SPATA17: variants seen among roughly 807,000 people sequenced by gnomAD.
The protein encoded by SPATA17 is spermatogenesis-associated protein 17.
SPATA17 carries 53 observed loss-of-function variants against 62.2 expected under a neutral mutation model. That is an observed-to-expected ratio of 0.85 (90% CI 0.68 to 1.07). The LOEUF (loss-of-function observed/expected upper bound fraction) is 1.07, where lower values mean the gene tolerates loss of function less well. Among genes scored for constraint, SPATA17 ranks in the 50% least tolerant of loss-of-function variants. SPATA17 has a pLI of 0.00. For synonymous variants in SPATA17, 146 were observed against 146.8 expected, an observed-to-expected ratio of 0.99 and a Z score of 0.04; for missense variants, 466 against 425.5, an observed-to-expected ratio of 1.10 and a Z score of -0.84.
At chr1:217,800,336 A>G (rs1322121972) in intron 8 of SPATA17, among the ~76,000 whole-genome samples, 1 of 151,776 alleles carries the variant, frequency 6.6e-6, no homozygotes, top group East Asian at 1.9e-4. Context: ...AGAAGATGCA[A>G]TCAGTCTTCT....
intron 5 of SPATA17, among the ~76,000 whole-genome samples, chr1:217,721,514 T>C (rs1277303402): frequency 6.6e-6 from 1 of 152,190 alleles, no homozygotes; most frequent in Non-Finnish European, 1.5e-5. Flanking sequence ...CTGTGTCATC[T>C]CTTTCTTTCT....
chr1:217,864,568 A>G (rs1675969932), intron 10 of SPATA17, among the ~76,000 whole-genome samples: 1 of 151,902 alleles, frequency 6.6e-6, no homozygotes, highest in African/African-American at 2.4e-5. Context: ...TGCACCCACT[A>G]TTATATTTAA....
intron 8 of SPATA17, among the ~76,000 whole-genome samples, chr1:217,795,931 G>A (rs1020098288): frequency 2.0e-5 from 3 of 151,910 alleles, no homozygotes; most frequent in African/African-American, 4.8e-5. Flanking sequence ...TCTAGTAGCT[G>A]AGACTACACC....
chr1:217,686,726 T>G (rs1173169590), intron 5 of SPATA17, among the ~76,000 whole-genome samples: 1 of 152,220 alleles, frequency 6.6e-6, no homozygotes, highest in African/African-American at 2.4e-5. Context: ...ACTTTTTGTT[T>G]TTTAATTTTT....
chr1:217,723,742 C>T (rs1043011911), intron 5 of SPATA17, among the ~76,000 whole-genome samples: 23 of 152,140 alleles, frequency 1.5e-4, no homozygotes, highest in Non-Finnish European at 4.4e-5. Flanking sequence ...ATAGGGCAGA[C>T]GAGAGACCAA....
intron 4 of SPATA17, among the ~76,000 whole-genome samples, chr1:217,675,231 A>G (rs1234281128): frequency 1.3e-5 from 2 of 152,110 alleles, no homozygotes; most frequent in Non-Finnish European, 2.9e-5. Context: ...GTGTGGGGGG[A>G]AAATTATACT....
chr1:217,737,894 G>T (rs940995029), intron 5 of SPATA17: 1 of 150,582 alleles, frequency 6.6e-6, no homozygotes, highest in Non-Finnish European at 1.5e-5. Context: ...GGTGCGATCC[G>T]GCTCACTGCA....
rs77762804 is a variant in SPATA17 at position 217,838,894 on chromosome 1, A to G, written c.1006-23880A>G. On this transcript the variant is annotated intron_variant, in intron 9 of 10. Coordinates refer to ENST00000366933, the MANE Select transcript of SPATA17 (RefSeq NM_138796.4). Reference sequence around the variant, plus strand: ...GAAATCATTATACAATCATAGAAGTATATGAAATCACTGTTTTGCTGATCT... The same window carrying G: ...GAAATCATTATACAATCATAGAAGTGTATGAAATCACTGTTTTGCTGATCT... Among the ~76,000 whole-genome samples the G allele has an allele frequency of 9.0e-3, 1,375 of 152,264 alleles. 16 individuals carry two copies. Among genetic ancestry groups the G allele is most frequent in the African/African-American group, 0.031 (1,308 of 41,562 alleles).
intron 4 of SPATA17, among the ~76,000 whole-genome samples, chr1:217,682,364 CAA>C (rs528838455): frequency 5.7e-5 from 7 of 122,280 alleles, no homozygotes; most frequent in Admixed American, 8.3e-5. Context: ...TCCTCTCATC[CAA>C]AAAAAAAAAA....
intron 5 of SPATA17, among the ~76,000 whole-genome samples, chr1:217,736,445 T>A (rs1482580700): frequency 3.3e-5 from 5 of 152,198 alleles, no homozygotes; most frequent in Admixed American, 3.3e-4. Flanking sequence ...TAAATTTTAT[T>A]AAGTTATACG....
At chr1:217,702,813 A>C (rs1192761299) in intron 5 of SPATA17, among the ~76,000 whole-genome samples, 1 of 152,062 alleles carries the variant, frequency 6.6e-6, no homozygotes, top group Non-Finnish European at 1.5e-5. Context: ...GTTCTATCGA[A>C]TGATAGTTAT....
chr1:217,754,168 G>A (rs1470634596), intron 6 of SPATA17, among the ~76,000 whole-genome samples: 1 of 152,022 alleles, frequency 6.6e-6, no homozygotes, highest in Non-Finnish European at 1.5e-5. Flanking sequence ...CCAGGAGGTC[G>A]AGGCTGCAGT....
intron 9 of SPATA17, among the ~76,000 whole-genome samples, chr1:217,829,677 GA>G (rs1675087857): frequency 7.9e-6 from 1 of 126,270 alleles, no homozygotes; most frequent in African/African-American, 2.9e-5. Context: ...TCACTTATGT[GA>G]AAAAAAGATA....
chr1:217,734,482 T>G (rs934507153), intron 5 of SPATA17, among the ~76,000 whole-genome samples: 19 of 152,260 alleles, frequency 1.2e-4, no homozygotes, highest in Middle Eastern at 6.8e-3. Flanking sequence ...GTATTACAGG[T>G]GTGTGCCACC....
At chr1:217,808,600 T>A (rs2102990908) in intron 9 of SPATA17, among the ~76,000 whole-genome samples, 1 of 152,286 alleles carries the variant, frequency 6.6e-6, no homozygotes, top group Non-Finnish European at 1.5e-5. Flanking sequence ...ACGCCTGTAA[T>A]CCCAGCACTT....
intron 4 of SPATA17, among the ~76,000 whole-genome samples, chr1:217,682,468 A>G (rs1671109008): frequency 6.6e-6 from 1 of 152,092 alleles, no homozygotes; most frequent in African/African-American, 2.4e-5. Context: ...TAATTTCAAT[A>G]TAACTTTTCT....
intron 8 of SPATA17, among the ~76,000 whole-genome samples, chr1:217,797,954 G>A (rs927805826): frequency 2.0e-5 from 3 of 152,112 alleles, no homozygotes; most frequent in Admixed American, 6.6e-5. Context: ...ACCCCTAGCA[G>A]CCCATCCTAT....
chr1:217,834,603 A>G (rs1256602731), intron 9 of SPATA17, among the ~76,000 whole-genome samples: 1 of 152,168 alleles, frequency 6.6e-6, no homozygotes, highest in African/African-American at 2.4e-5. Context: ...TATAAAGGAA[A>G]AATGTTTTTG....
At chr1:217,852,188 A>T (rs189453679) in intron 9 of SPATA17, among the ~76,000 whole-genome samples, 32 of 152,284 alleles carry the variant, frequency 2.1e-4, no homozygotes, top group African/African-American at 7.5e-4. Context: ...TGCCATCTTT[A>T]AAAAAATTGC....
Sources: gnomAD v4.1 joint callset for allele counts (sites outside exome capture counted in the v4.1 genomes callset) on GRCh38, gnomAD v4.1.1 for gene constraint, MANE v1.5 for transcripts, NCBI Gene and HGNC (gene_info 2026-07-23, HGNC 2026-07-21) for gene names.